Variants in ATF6 observed in about 807,000 individuals in gnomAD.
ATF6 encodes the protein cyclic AMP-dependent transcription factor ATF-6 alpha.
ATF6 carries 53 observed loss-of-function variants against 83.6 expected under a neutral mutation model. That is an observed-to-expected ratio of 0.63 (90% CI 0.51 to 0.80). The LOEUF is 0.80. Among genes scored for constraint, ATF6 ranks in the 30% least tolerant of loss-of-function variants. The pLI, the probability that ATF6 is intolerant of heterozygous loss-of-function variation, is 0.00. For synonymous variants in ATF6, 288 were observed against 285.8 expected (o/e 1.01, Z -0.08); for missense variants, 744 against 797.9 (o/e 0.93, Z 0.81).
intron 14 of ATF6, among the ~76,000 whole-genome samples, chr1:161,898,495 A>G (rs1415573888): frequency 6.6e-6 from 1 of 151,724 alleles, no homozygotes; most frequent in Non-Finnish European, 1.5e-5. Context: ...AATTCCCATA[A>G]TATAGTTATA....
intron 14 of ATF6, among the ~76,000 whole-genome samples, chr1:161,898,533 TG>T (rs1397382441): frequency 6.6e-6 from 1 of 151,768 alleles, no homozygotes; most frequent in Non-Finnish European, 1.5e-5. Flanking sequence ...TGTGTGTGTG[TG>T]TTTTTTTTGT....
intron 14 of ATF6, among the ~76,000 whole-genome samples, chr1:161,874,916 C>A (rs776221979): frequency 1.3e-5 from 2 of 151,622 alleles, no homozygotes; most frequent in Non-Finnish European, 3.0e-5. Flanking sequence ...ATATATTTGA[C>A]CCTAACCTTT....
rs886378139 is a variant in ATF6, at chr1:161,863,456, A to G, written c.1719+144A>G. On this transcript the variant is annotated intron_variant, in intron 14 of 15. Transcript: ENST00000367942. Reference sequence around the variant, plus strand: ...ATTATGTGAGTGGAACAGTCTAAGTACTGTAATATATGCTTTACTTTGAGC... The same window carrying G: ...ATTATGTGAGTGGAACAGTCTAAGTGCTGTAATATATGCTTTACTTTGAGC... 5 of 570,112 alleles carry G rather than the reference A, an allele frequency of 8.8e-6. No individual in the cohort carries two copies. In the African/African-American group the frequency reaches 9.4e-5, roughly 11 times the overall value. 35.3% of individuals were successfully genotyped at this position (570,112 alleles called of 1,614,324 possible). A position where few individuals can be genotyped will look rare whatever the true frequency, so the allele number is the denominator to read the frequency against.
At chr1:161,866,607 C>T (rs944271893) in intron 14 of ATF6, among the ~76,000 whole-genome samples, 1 of 152,130 alleles carries the variant, frequency 6.6e-6, no homozygotes, top group Non-Finnish European at 1.5e-5. Context: ...TTTTTCTCCT[C>T]TCTTTGATTT....
chr1:161,819,652 A>G lies in ATF6; in HGVS notation c.929A>G (p.Gln310Arg), dbSNP rs1272089769. ...VGSDIAVLRRQQRMIKNRESA... is the reference protein window; with the variant it reads ...VGSDIAVLRRRQRMIKNRESA... The stretch of plus-strand genomic sequence containing the variant: ...TTCTAGATTGCTGTGCTAAGGAGAC[A>G]GCAACGTATGATAAAAAATCGAGAA... Residue 310 changes from glutamine (Q) to arginine (R), a missense_variant, in exon 8 of 16, where the codon CAG becomes CGG. Physicochemically the swap from Gln to Arg is conservative, Grantham distance 43 (BLOSUM62 1). Coordinates refer to ENST00000367942, the MANE Select transcript of ATF6 (RefSeq NM_007348.4). 1.2e-6 allele frequency: 2 copies of G among 1,607,594 alleles called. No individual in the cohort carries two copies. The highest frequency in any genetic ancestry group is 1.7e-5 in the Admixed American group (1 of 58,748).
At chr1:161,915,605 C>G (rs902055652) in intron 15 of ATF6, among the ~76,000 whole-genome samples, 1 of 151,894 alleles carries the variant, frequency 6.6e-6, no homozygotes, top group Non-Finnish European at 1.5e-5. Flanking sequence ...CTGGGTCATT[C>G]CCATCAGCAT....
At chr1:161,882,434 G>A (rs1372441692) in intron 14 of ATF6, among the ~76,000 whole-genome samples, 2 of 151,958 alleles carry the variant, frequency 1.3e-5, no homozygotes, top group African/African-American at 4.8e-5. Flanking sequence ...CTACTTCTGG[G>A]CTAATCTATT....
intron 15 of ATF6, among the ~76,000 whole-genome samples, chr1:161,912,893 A>G (rs148035810): frequency 1.2e-3 from 189 of 152,294 alleles, no homozygotes; most frequent in Non-Finnish European, 1.9e-3. Context: ...ACAAATAATA[A>G]TATAATGCAC....
rs964659227 is a variant in ATF6 at position 161,807,584 on chromosome 1, T to G, written c.909+5312T>G. ...AAAATTACTTCTGTGCTGACTGCAT[T>G]GTGGCTTTGCTGCTACCAGGGACTC... is the stretch of plus-strand genomic sequence containing the variant. On this transcript the variant is annotated intron_variant, in intron 7 of 15. Transcript: ENST00000367942. 7.2e-5 allele frequency among the ~76,000 whole-genome samples: 11 copies of G among 152,214 alleles called. 2 individuals carry two copies. The highest frequency in any genetic ancestry group is 7.2e-4 in the Admixed American group (11 of 15,270).
chr1:161,792,038 A>G, intron 5 of ATF6, 86 bp from the exon 6 acceptor site: 1 of 1,088,290 alleles, frequency 9.2e-7, no homozygotes, highest in East Asian at 2.4e-5. Context: ...GATAATGTGT[A>G]GAGAAAGGTG....
chr1:161,888,495 A>T (rs1323904854), intron 14 of ATF6, among the ~76,000 whole-genome samples: 2 of 152,182 alleles, frequency 1.3e-5, no homozygotes, highest in African/African-American at 4.8e-5. Flanking sequence ...TGTGTATCTA[A>T]TTCACCTCTT....
intron 9 of ATF6, among the ~76,000 whole-genome samples, chr1:161,827,462 T>C (rs1685931627): frequency 6.6e-6 from 1 of 152,252 alleles, no homozygotes; most frequent in Admixed American, 6.5e-5. Flanking sequence ...TCTGAACTTT[T>C]GTTAAGTACC....
At chr1:161,789,249 C>A (rs932489677) in intron 4 of ATF6, among the ~76,000 whole-genome samples, 7 of 136,334 alleles carry the variant, frequency 5.1e-5, no homozygotes, top group Non-Finnish European at 1.1e-4. Flanking sequence ...CTTATTCCTT[C>A]TCCTTTTTTT....
chr1:161,954,338 C>A (rs1688925230), intron 15 of ATF6, among the ~76,000 whole-genome samples: 1 of 152,176 alleles, frequency 6.6e-6, no homozygotes, highest in Non-Finnish European at 1.5e-5. Flanking sequence ...CATGCCTCCA[C>A]ACTTGTGTAC....
At chr1:161,811,070 C>G (rs1402040345) in intron 7 of ATF6, among the ~76,000 whole-genome samples, 1 of 152,148 alleles carries the variant, frequency 6.6e-6, no homozygotes. Flanking sequence ...ACTTTGAACA[C>G]TCATGTACAT....
intron 14 of ATF6, among the ~76,000 whole-genome samples, chr1:161,883,024 T>C (rs944138852): frequency 6.6e-6 from 1 of 151,902 alleles, no homozygotes; most frequent in Non-Finnish European, 1.5e-5. Flanking sequence ...ATTCATTCTT[T>C]CCCCCAACTC....
At chr1:161,768,795 C>T (rs1684324595) in intron 1 of ATF6, among the ~76,000 whole-genome samples, 1 of 151,972 alleles carries the variant, frequency 6.6e-6, no homozygotes, top group Admixed American at 6.6e-5. Flanking sequence ...GACTGGTCTC[C>T]AACTGGCCTC....
chr1:161,817,499 C>G (rs532844567), intron 7 of ATF6, among the ~76,000 whole-genome samples: 1 of 152,120 alleles, frequency 6.6e-6, no homozygotes, highest in African/African-American at 2.4e-5. Context: ...TGCCATTGCT[C>G]TTTGTATGTG....
rs1006591433 is a variant in ATF6, at chr1:161,912,232, A to G, written c.1720-64A>G. 3.8e-5 allele frequency: 41 copies of G among 1,081,342 alleles called. No homozygotes were observed. In the African/African-American group the frequency reaches 6.4e-4, roughly 17 times the overall value. 67.0% of individuals were successfully genotyped at this position (1,081,342 alleles called of 1,614,324 possible). ...AATATTGACCTCTTAGAAGCCCTGA[A>G]TTTGGCCTGTTCTAGGACTAAGCCA... is the stretch of plus-strand genomic sequence containing the variant. On this transcript the variant is annotated intron_variant, in intron 14 of 15. Transcript: ENST00000367942.
Sources: gnomAD v4.1 joint callset for allele counts (sites outside exome capture counted in the v4.1 genomes callset) on GRCh38, gnomAD v4.1.1 for gene constraint, MANE v1.5 for transcripts, NCBI Gene and HGNC (gene_info 2026-07-23, HGNC 2026-07-21) for gene names.